Variants in UVSSA observed in about 807,000 individuals in gnomAD.
The protein encoded by UVSSA is UV stimulated scaffold protein A.
Under a neutral mutation model 73.9 loss-of-function variants are expected in UVSSA, and 72 were observed. That is an observed-to-expected ratio of 0.97 (90% CI 0.81 to 1.19). UVSSA has a LOEUF of 1.19. UVSSA is among the 50% of genes most tolerant of loss of function. The probability of loss-of-function intolerance (pLI) is 0.00; values close to 1 mark genes in which losing one functional copy is unlikely to be tolerated. For missense variants in UVSSA, 1,150 were observed against 965.0 expected (o/e 1.19, Z -2.54); for synonymous variants, 454 against 391.3 (o/e 1.16, Z -1.89).
intron 4 of UVSSA, among the ~76,000 whole-genome samples, chr4:1,352,163 G>A (rs1049166276): frequency 6.6e-6 from 1 of 152,218 alleles, no homozygotes; most frequent in Non-Finnish European, 1.5e-5. Context: ...TTTATTTTGT[G>A]GCTGTCTTGC....
intron 8 of UVSSA, among the ~76,000 whole-genome samples, chr4:1,369,668 A>G (rs1717778447): frequency 6.6e-6 from 1 of 152,232 alleles, no homozygotes; most frequent in Non-Finnish European, 1.5e-5. Flanking sequence ...GGTAAAATCA[A>G]TAATGTCAGC....
At chr4:1,348,981 T>TGTTTGTGCCGGGCGGTGTGCG (rs1714184596) in intron 2 of UVSSA, among the ~76,000 whole-genome samples, 1 of 142,520 alleles carries the variant, frequency 7.0e-6, no homozygotes, top group African/African-American at 2.6e-5. Context: ...AGGCGGTGTG[T>TGTTTGTGCCGGGCGGTGTGCG]GTTTGTGCCG....
intron 7 of UVSSA, among the ~76,000 whole-genome samples, chr4:1,355,908 T>C (rs1715663231): frequency 6.6e-6 from 1 of 152,066 alleles, no homozygotes; most frequent in South Asian, 2.1e-4. Flanking sequence ...CACACTGCTG[T>C]GCCAGGGACC....
intron 5 of UVSSA, 127 bp from the exon 6 acceptor site, chr4:1,354,608 G>A: frequency 2.8e-6 from 2 of 723,456 alleles, no homozygotes; most frequent in South Asian, 1.6e-5. Context: ...GATTCCCGGG[G>A]GCAGGCATGG....
chr4:1,345,749 G>A (rs1168190479), upstream of UVSSA, among the ~76,000 whole-genome samples: 2 of 151,892 alleles, frequency 1.3e-5, no homozygotes, highest in African/African-American at 4.8e-5. Flanking sequence ...TGAGGGCTGA[G>A]AGGACACCCC....
rs576419415 is a variant in UVSSA at position 1,375,484 on chromosome 4, A to G, written c.1409A>G (p.His470Arg). 18 of 1,611,446 alleles carry G rather than the reference A, an allele frequency of 1.1e-5. No homozygotes were observed. In the South Asian group the frequency reaches 1.6e-4, roughly 15 times the overall value. ...GCTCAGCTGCGGCAGCTCCGGGACCACTTGCCTCCACCCTCATCTGCCAGG... is the reference window on the plus strand; with the variant it reads ...GCTCAGCTGCGGCAGCTCCGGGACCGCTTGCCTCCACCCTCATCTGCCAGG... The part of the protein sequence containing the change: ...AAAQLRQLRD[H>R]LPPPSSASPS... Residue 470 changes from histidine (H) to arginine (R), a missense_variant, in exon 9 of 14, where the codon CAC (histidine) becomes CGC (arginine). Transcript: ENST00000389851.
chr4:1,376,581 C>CGGGG (rs1718797447), intron 10 of UVSSA, among the ~76,000 whole-genome samples: 1 of 152,182 alleles, frequency 6.6e-6, no homozygotes, highest in Non-Finnish European at 1.5e-5. Context: ...AGACCTCAGG[C>CGGGG]GGGGGCTCTG....
intron 7 of UVSSA, among the ~76,000 whole-genome samples, chr4:1,365,513 C>T (rs11936194): frequency 0.026 from 3,933 of 152,302 alleles, 154 homozygotes; most frequent in African/African-American, 0.088. Flanking sequence ...TGCCATTCTC[C>T]AGCTCCTCAA....
rs146853550 is a variant in UVSSA, at chr4:1,353,175, G to T, written c.696G>T (p.Ala232=). 1.2e-6 allele frequency: 2 copies of T among 1,612,724 alleles called. No homozygotes were observed. Among genetic ancestry groups the T allele is most frequent in the East Asian group, 4.5e-5 (2 of 44,876 alleles). The part of the protein sequence containing the change: ...GMSDALRSSC[A]GQVGPCRSGT... ...CCGATGCCCTTCGCTCCTCCTGCGC[G>T]GGCCAGGTGGGCCCCTGCCGGTCTG... The change falls in exon 5 of 14, where the codon GCG becomes GCT. Residue 232 remains alanine, a synonymous_variant. Transcript: ENST00000389851.
chr4:1,353,596 T>TG (rs1715156795), intron 5 of UVSSA, among the ~76,000 whole-genome samples, 183 bp downstream of exon 5: 2 of 152,050 alleles, frequency 1.3e-5, no homozygotes, highest in Admixed American at 1.3e-4. Flanking sequence ...CCCCCACCCA[T>TG]GCCAGGCCTC....
At chr4:1,369,379 G>A (rs923690748) in intron 8 of UVSSA, among the ~76,000 whole-genome samples, 27 of 152,246 alleles carry the variant, frequency 1.8e-4, no homozygotes, top group African/African-American at 6.3e-4. Context: ...CCGGAGGCGG[G>A]GACCAGGCGG....
intron 8 of UVSSA, among the ~76,000 whole-genome samples, chr4:1,372,194 C>A (rs73793387): frequency 6.6e-6 from 1 of 152,154 alleles, no homozygotes; most frequent in Non-Finnish European, 1.5e-5. Flanking sequence ...TTTCACTAAC[C>A]GTTGTATCAA....
chr4:1,372,785 CCGCG>C (rs1718255289), intron 8 of UVSSA, among the ~76,000 whole-genome samples: 1 of 74,746 alleles, frequency 1.3e-5, no homozygotes, highest in Non-Finnish European at 2.7e-5. Context: ...CACTCACCTC[CCGCG>C]TCCCTGCACT....
In UVSSA at chr4:1,369,890, G is replaced by A. The variant is rs551156876; in HGVS notation, c.1288+3459G>A. On this transcript the variant is annotated intron_variant, in intron 8 of 13. Coordinates refer to ENST00000389851, the MANE Select transcript of UVSSA (RefSeq NM_020894.4). ...ACTGGACTCGAGTGAGACGCCGTGC[G>A]GGCAAGGCGGGCGCCGCGTTCGGCT... Among the ~76,000 whole-genome samples, 23 of 152,366 alleles carry A rather than the reference G, an allele frequency of 1.5e-4. No individual in the cohort carries two copies. In the South Asian group the frequency reaches 3.5e-3, roughly 23 times the overall value.
Position 1,353,448 on chromosome 4 carries a change from C to G in UVSSA, c.934+35C>G, listed in dbSNP as rs372017016. 6.7e-4 allele frequency: 967 copies of G among 1,444,936 alleles called. 28 individuals carry two copies. The South Asian group carries it at 0.013, about 19-fold the overall frequency. 89.5% of individuals were successfully genotyped at this position (1,444,936 alleles called of 1,614,324 possible). On this transcript the variant is annotated intron_variant, in intron 5 of 13. Coordinates refer to ENST00000389851, the MANE Select transcript of UVSSA (RefSeq NM_020894.4). ...TTCGCGGGGTCTCTGTGGCGCCACCCTGCCCCGGCTCCCGGGTAGGCTCCT... is the reference window on the plus strand; with the variant it reads ...TTCGCGGGGTCTCTGTGGCGCCACCGTGCCCCGGCTCCCGGGTAGGCTCCT...
Position 1,349,812 on chromosome 4 carries a change from G to A in UVSSA, c.387G>A (p.Lys129=), listed in dbSNP as rs749042254. 1 of 1,584,412 alleles carries A rather than the reference G, an allele frequency of 6.3e-7. No individual in the cohort carries two copies. The highest frequency in any genetic ancestry group is 2.3e-5 in the East Asian group (1 of 44,422). The change falls in exon 3 of 14, where the codon AAG becomes AAA. Residue 129 remains lysine (K), a synonymous_variant. Transcript: ENST00000389851. ...ATGAGAAGTTTGGGGAGGCCTACAA[G>A]AAGCTTGCCTTGGGCTACCACTTCT... The part of the protein sequence containing the change: ...GWNEKFGEAY[K]KLALGYHFLR...
Position 1,348,181 on chromosome 4 carries a change from A to T in UVSSA, c.90A>T (p.Lys30Asn). 6.2e-7 allele frequency: 1 copy of T among 1,613,396 alleles called. No homozygotes were observed. Among genetic ancestry groups the T allele is most frequent in the South Asian group, 1.1e-5 (1 of 91,078 alleles). ...CTGAGAAAATGAAGGAACTGAAGAA[A>T]ATTTGCAAGTATGTCTTAGGGTTCA... is the stretch of plus-strand genomic sequence containing the variant. ...LNPEKMKELK[K>N]ICKSSEEQLS... is the part of the protein sequence containing the mutation. The change falls in exon 2 of 14, where the codon AAA becomes AAT. Residue 30 changes from lysine to asparagine, a missense_variant. Transcript: ENST00000389851.
chr4:1,347,806 C>T (rs887744138), intron 1 of UVSSA, 46 bp downstream of exon 1: 11 of 353,372 alleles, frequency 3.1e-5, no homozygotes, highest in African/African-American at 1.9e-4. Context: ...AAAGCTGATT[C>T]GGACAGCGCC....
At chr4:1,380,748 G>A in intron 11 of UVSSA, 132 bp from the exon 12 acceptor site, 1 of 1,565,400 alleles carries the variant, frequency 6.4e-7, no homozygotes, top group Non-Finnish European at 8.7e-7. Context: ...GTGATTCCAG[G>A]TTGTGTACAC....
Sources: allele counts gnomAD v4.1 joint callset (sites outside exome capture counted in the v4.1 genomes callset), GRCh38; gene constraint gnomAD v4.1.1; transcripts MANE v1.5; gene names NCBI Gene and HGNC (gene_info 2026-07-23, HGNC 2026-07-21).